The following USP42 variants were observed in gnomAD, a reference collection of about 807,000 sequenced individuals.
The protein encoded by USP42 is ubiquitin specific peptidase 42, also known as ubiquitin carboxyl-terminal hydrolase 42.
A neutral mutation model predicts 113.0 loss-of-function variants in USP42; 23 were observed. The observed-to-expected ratio is 0.20, with a 90% confidence interval of 0.15 to 0.29. The LOEUF is 0.29. Ranked by LOEUF, USP42 falls within the 10% of genes least tolerant of loss-of-function variation. USP42 has a pLI of 1.00. For synonymous variants in USP42, 933 were observed against 699.0 expected (o/e 1.33, Z -5.28); for missense variants, 2,174 against 1,779.8 (o/e 1.22, Z -3.99).
At chr7:6,133,187 CAT>C (rs1357206163) in intron 3 of USP42, among the ~76,000 whole-genome samples, 2 of 152,178 alleles carry the variant, frequency 1.3e-5, no homozygotes, top group Non-Finnish European at 2.9e-5. Flanking sequence ...AATATAGACT[CAT>C]GTGAACTGAC....
chr7:6,107,926 G>A (rs1779381932), intron 1 of USP42, among the ~76,000 whole-genome samples: 1 of 152,020 alleles, frequency 6.6e-6, no homozygotes, highest in South Asian at 2.1e-4. Context: ...TTCTACTTGA[G>A]TTCAGAAACT....
Position 6,149,569 on chromosome 7 carries a change from C to T in USP42, c.1387-14C>T, listed in dbSNP as rs758774602. 10 of 1,605,908 alleles carry T rather than the reference C, an allele frequency of 6.2e-6. No homozygotes were observed. The East Asian group carries it at 2.2e-4, about 36-fold the overall frequency. On this transcript the variant is annotated splice_polypyrimidine_tract_variant and intron_variant, in intron 12 of 17. Coordinates refer to ENST00000306177, the MANE Select transcript of USP42 (RefSeq NM_032172.3). ...TTCTGGAGCTCTGACCAGGTGCGCT[C>T]TGCTTACTTCCAGAATCCACCTCAC...
chr7:6,135,780 GC>G lies in USP42; in HGVS notation c.443-59del, dbSNP rs1781108483. 2.6e-5 allele frequency: 24 copies of G among 938,348 alleles called. No individual in the cohort carries two copies. In the South Asian group the frequency reaches 4.7e-4, roughly 18 times the overall value. The allele number at this position is 938,348 out of a possible 1,614,324, so 58.1% of individuals were successfully genotyped here. ...GGTGTGTGCCCCTGATTTGTAATTA[GC>G]CTTGATGTGTGTATATGGTTGTATT... On this transcript the variant is annotated intron_variant, in intron 3 of 17. Coordinates refer to ENST00000306177, the MANE Select transcript of USP42 (RefSeq NM_032172.3).
the USP42 span, among the ~76,000 whole-genome samples, chr7:6,082,866 C>G: frequency 6.7e-6 from 1 of 149,426 alleles, no homozygotes; most frequent in East Asian, 1.9e-4. Context: ...CTGCCTTGGC[C>G]TCCCAAAGTG....
At position 6,158,211 on chromosome 7, in the gene USP42, C is replaced by T. The variant is rs1052519720; in HGVS notation, c.3943+1156C>T. Among the ~76,000 whole-genome samples, 3 of 152,358 alleles carry T rather than the reference C, an allele frequency of 2.0e-5. No individual in the cohort carries two copies. The highest frequency in any genetic ancestry group is 4.8e-5 in the African/African-American group (2 of 41,580). ...TGGGGCGCAGCCAGGTGCGTTCCCA[C>T]GCTGTCTGGCGGCTTCGCTGTCACT... On this transcript the variant is annotated intron_variant, in intron 16 of 17. Transcript: ENST00000306177. This position sits in a 1 kb window ranked among gnomAD's most constrained non-coding sequence, Gnocchi z 4.2.
chr7:6,097,554 AAGCCAC>A, the USP42 span, among the ~76,000 whole-genome samples: 5 of 150,574 alleles, frequency 3.3e-5, no homozygotes, highest in Non-Finnish European at 7.4e-5. Flanking sequence ...TTACAAGCAT[AAGCCAC>A]TGCGCCCAGC....
the USP42 span, among the ~76,000 whole-genome samples, chr7:6,085,866 G>T: frequency 6.6e-6 from 1 of 150,458 alleles, no homozygotes; most frequent in East Asian, 1.9e-4. Context: ...GCCCGCCTTG[G>T]CCTCCCAAGG....
At chr7:6,149,096 A>T (rs1781884665) in intron 12 of USP42, among the ~76,000 whole-genome samples, 1 of 152,190 alleles carries the variant, frequency 6.6e-6, no homozygotes, top group Admixed American at 6.5e-5. Context: ...TCACTGCGTG[A>T]GGAGAATGTG....
In USP42 at chr7:6,159,366, A is replaced by G. The variant is rs78466127; in HGVS notation, c.3944-84A>G. On this transcript the variant is annotated intron_variant, in intron 16 of 17. Transcript: ENST00000306177. The surrounding 1 kb of genome is among the most constrained non-coding windows in gnomAD (Gnocchi z 4.1). ...AGGGAACCGCAGTGACTCTGACCATAGCCACTTAACGCACACACACAGCAG... is the reference window on the plus strand; with the variant it reads ...AGGGAACCGCAGTGACTCTGACCATGGCCACTTAACGCACACACACAGCAG... 117,719 of 1,585,868 alleles carry G rather than the reference A, an allele frequency of 0.074. 6,632 individuals are homozygous for G. The highest frequency in any genetic ancestry group is 0.31 in the East Asian group (13,848 of 44,648).
rs576785161 is a variant in USP42, at chr7:6,161,024, A to G, written c.*506A>G. The G allele has an allele frequency of 6.5e-6, 1 of 152,780 alleles. No homozygotes were observed. Among genetic ancestry groups the G allele is most frequent in the South Asian group, 2.1e-4 (1 of 4,832 alleles). The allele number at this position is 152,780 out of a possible 1,614,324, so 9.5% of individuals were successfully genotyped here. On this transcript the variant is annotated 3_prime_UTR_variant, in exon 18 of 18. Coordinates refer to ENST00000306177, the MANE Select transcript of USP42 (RefSeq NM_032172.3). ...TCTGTTTTCTGTAATGTCTGATACT[A>G]GAAACTAATTTGCTTATTTTAGTTG...
At chr7:6,144,256 T>C (rs1781583008) in intron 9 of USP42, 60 bp downstream of exon 9, 2 of 1,158,132 alleles carry the variant, frequency 1.7e-6, no homozygotes, top group East Asian at 2.7e-5. Context: ...TTAACGTGTC[T>C]GTAGCTATTA....
intron 2 of USP42, 27 bp downstream of exon 2, chr7:6,111,401 C>T (rs1002883966): frequency 1.2e-6 from 2 of 1,602,070 alleles, no homozygotes; most frequent in South Asian, 1.1e-5. Flanking sequence ...GAGAGAATTA[C>T]CGCCAGAAAC....
chr7:6,150,351 C>G, intron 13 of USP42, 49 bp downstream of exon 13: 1 of 1,608,382 alleles, frequency 6.2e-7, no homozygotes, highest in Non-Finnish European at 8.5e-7. Flanking sequence ...GTTCCCTTGG[C>G]TGGATTTCAG....
intron 8 of USP42, among the ~76,000 whole-genome samples, chr7:6,143,808 G>T (rs1032105807): frequency 3.3e-5 from 5 of 152,108 alleles, no homozygotes; most frequent in African/African-American, 1.2e-4. Context: ...TTGAGAGGAA[G>T]TTGTGTTAAC....
At chr7:6,128,681 G>A (rs1020711277) in intron 3 of USP42, among the ~76,000 whole-genome samples, 2 of 150,722 alleles carry the variant, frequency 1.3e-5, no homozygotes, top group African/African-American at 4.9e-5. Flanking sequence ...AAGACTTAAG[G>A]CTTATTCTGC....
intron 3 of USP42, among the ~76,000 whole-genome samples, chr7:6,131,541 T>C (rs1245297911): frequency 6.6e-6 from 1 of 151,914 alleles, no homozygotes; most frequent in Non-Finnish European, 1.5e-5. Flanking sequence ...GAAGCTGAAG[T>C]AGAGCAATGA....
upstream of USP42, among the ~76,000 whole-genome samples, chr7:6,103,738 C>CA (rs398066574): frequency 0.11 from 10,798 of 100,780 alleles, 1,098 homozygotes; most frequent in African/African-American, 0.26. Flanking sequence ...CCCGTCTCTA[C>CA]AAAAAAAAAA....
Position 6,139,832 on chromosome 7 carries a change from C to T in USP42, c.657-296C>T. The T allele has an allele frequency of 1.1e-5, 5 of 474,698 alleles. No homozygotes were observed. Among genetic ancestry groups the T allele is most frequent in the Non-Finnish European group, 1.9e-5 (5 of 261,476 alleles). The allele number at this position is 474,698 out of a possible 1,614,324, so 29.4% of individuals were successfully genotyped here. On this transcript the variant is annotated intron_variant, in intron 5 of 17. Coordinates refer to ENST00000306177, the MANE Select transcript of USP42 (RefSeq NM_032172.3). The surrounding 1 kb of genome is among the most constrained non-coding windows in gnomAD (Gnocchi z 4.5). Reference sequence around the variant, plus strand: ...CTTTCCTCCCACACAGGCCGCAGTGCCCGGAGGCTGCCATCTTCCTGCTTC... The same window carrying T: ...CTTTCCTCCCACACAGGCCGCAGTGTCCGGAGGCTGCCATCTTCCTGCTTC...
chr7:6,160,339 G>A (rs536513775), intron 17 of USP42, among the ~76,000 whole-genome samples: 7 of 152,298 alleles, frequency 4.6e-5, no homozygotes, highest in Admixed American at 6.5e-5. Flanking sequence ...CATCTGGGGC[G>A]GGTGGTGGCC....
Sources: gnomAD v4.1 joint callset for allele counts (sites outside exome capture counted in the v4.1 genomes callset) on GRCh38, gnomAD v4.1.1 for gene constraint, Gnocchi (gnomAD v3.1) non-coding constraint, MANE v1.5 for transcripts, NCBI Gene and HGNC (gene_info 2026-07-23, HGNC 2026-07-21) for gene names.